IMPG1: variants seen among roughly 807,000 people sequenced by gnomAD.
IMPG1 encodes interphotoreceptor matrix proteoglycan of 150 kDa.
In IMPG1, 85 loss-of-function variants were observed where a neutral mutation model predicts 92.0. The observed-to-expected ratio is 0.92, with a 90% CI of 0.78 to 1.11. IMPG1 has a LOEUF of 1.11. IMPG1 is among the 50% of genes least tolerant of loss of function. The pLI is 0.00. For missense variants in IMPG1, 1,022 were observed against 956.0 expected (o/e 1.07, Z -0.91); for synonymous variants, 367 against 334.1 (o/e 1.10, Z -1.08).
At chr6:75,954,702 G>C (rs1168586016) in intron 12 of IMPG1, among the ~76,000 whole-genome samples, 1 of 152,138 alleles carries the variant, frequency 6.6e-6, no homozygotes. Context: ...CCTATGTCCT[G>C]AATGGTATTG....
chr6:76,009,614 G>A (rs1783151497), intron 8 of IMPG1, among the ~76,000 whole-genome samples: 1 of 152,156 alleles, frequency 6.6e-6, no homozygotes, highest in Non-Finnish European at 1.5e-5. Flanking sequence ...ATGTCATCAT[G>A]GAAATCACTG....
intron 1 of IMPG1, among the ~76,000 whole-genome samples, chr6:76,063,954 G>A (rs1784255952): frequency 1.3e-5 from 2 of 152,130 alleles, no homozygotes; most frequent in Non-Finnish European, 2.9e-5. Context: ...GAGGAGATGT[G>A]GGTGTTGTGT....
intron 12 of IMPG1, among the ~76,000 whole-genome samples, chr6:75,976,671 G>A (rs900072309): frequency 6.6e-6 from 1 of 152,198 alleles, no homozygotes; most frequent in African/African-American, 2.4e-5. Flanking sequence ...CAGCACTTTG[G>A]GAGGCTGAGG....
At chr6:76,022,280 G>A (rs1783446319) in intron 5 of IMPG1, 61 bp from the exon 6 acceptor site, 14 of 892,990 alleles carry the variant, frequency 1.6e-5, no homozygotes, top group Non-Finnish European at 2.3e-5. Flanking sequence ...AAATTAGAAC[G>A]AGGTCAAAAT....
At chr6:75,983,691 T>A (rs531100611) in intron 12 of IMPG1, among the ~76,000 whole-genome samples, 3 of 152,136 alleles carry the variant, frequency 2.0e-5, no homozygotes, top group African/African-American at 7.2e-5. Flanking sequence ...GATACAACTC[T>A]AAAAGCACAG....
At chr6:76,000,770 G>C (rs552169392) in intron 12 of IMPG1, among the ~76,000 whole-genome samples, 2 of 152,198 alleles carry the variant, frequency 1.3e-5, no homozygotes, top group Non-Finnish European at 2.9e-5. Flanking sequence ...CCTGCTTTAT[G>C]GGTTAGAGGT....
intron 1 of IMPG1, among the ~76,000 whole-genome samples, chr6:76,056,647 C>T (rs1784125231): frequency 6.6e-6 from 1 of 152,112 alleles, no homozygotes; most frequent in African/African-American, 2.4e-5. Context: ...ATATTTCCAC[C>T]AACAATGTTC....
Position 75,974,416 on chromosome 6 carries a change from C to CCTTG in IMPG1, c.1292-23323_1292-23322insCAAG, listed in dbSNP as rs1373647948. ...CTTTTCTTTCTTTCCTTCCTTCCTT[C>CCTTG]CTTCCTTCCTTGCTTCCTTCCTTCC... On this transcript the variant is annotated intron_variant, in intron 12 of 16. Coordinates refer to ENST00000369950, the MANE Select transcript of IMPG1 (RefSeq NM_001563.4). 1.6e-3 allele frequency among the ~76,000 whole-genome samples: 215 copies of CCTTG among 131,204 alleles called. 1 individual carries two copies. Among genetic ancestry groups the CCTTG allele is most frequent in the Admixed American group, 4.5e-3 (52 of 11,592 alleles). 86.1% of individuals were successfully genotyped at this position (131,204 alleles called of 152,430 possible). A position where few individuals can be genotyped will look rare whatever the true frequency, so the allele number is the denominator to read the frequency against.
chr6:75,969,810 C>G (rs923685699), intron 12 of IMPG1, among the ~76,000 whole-genome samples: 1 of 152,024 alleles, frequency 6.6e-6, no homozygotes, highest in South Asian at 2.1e-4. Flanking sequence ...AAATTTCAAA[C>G]GTATCTATAT....
intron 8 of IMPG1, among the ~76,000 whole-genome samples, chr6:76,008,270 A>G (rs1268258678): frequency 6.6e-6 from 1 of 152,170 alleles, no homozygotes; most frequent in Non-Finnish European, 1.5e-5. Context: ...CTGCTTGTGC[A>G]TGAAAAAAGA....
At chr6:76,012,946 C>T (rs1182342391) in intron 7 of IMPG1, among the ~76,000 whole-genome samples, 1 of 152,086 alleles carries the variant, frequency 6.6e-6, no homozygotes, top group Non-Finnish European at 1.5e-5. Flanking sequence ...CCTCCCACCC[C>T]CCACATGCAG....
rs184816599 is a variant in IMPG1 at position 76,021,437 on chromosome 6, G to C, written c.666+679C>G. 1.8e-3 allele frequency among the ~76,000 whole-genome samples: 279 copies of C among 152,196 alleles called. 1 individual carries two copies. The highest frequency in any genetic ancestry group is 6.4e-3 in the African/African-American group (266 of 41,518). Reference sequence around the variant, plus strand: ...ACCATGGTCACTCATATTTGGCTCAGAATAAATCTCTTCAAATATTTTACA... The same window carrying C: ...ACCATGGTCACTCATATTTGGCTCACAATAAATCTCTTCAAATATTTTACA... On this transcript the variant is annotated intron_variant, in intron 6 of 16. Transcript: ENST00000369950.
Position 75,951,104 on chromosome 6 carries a change from A to T in IMPG1, c.1292-10T>A, listed in dbSNP as rs1361913131. 1 of 1,574,970 alleles carries T rather than the reference A, an allele frequency of 6.3e-7. No homozygotes were observed. Among genetic ancestry groups the T allele is most frequent in the South Asian group, 1.2e-5 (1 of 85,480 alleles). ...GGAGACCAAGAAGTGTCTGTGGAGG[A>T]AGTACAATTTCATTATGTCCAAGTA... On this transcript the variant is annotated splice_polypyrimidine_tract_variant and intron_variant, in intron 12 of 16. Transcript: ENST00000369950.
intron 11 of IMPG1, 53 bp downstream of exon 11, chr6:76,003,816 TGGTGG>T: frequency 8.1e-7 from 1 of 1,236,162 alleles, no homozygotes; most frequent in Non-Finnish European, 1.2e-6. Context: ...ATTTGTTCTT[TGGTGG>T]AAGGTTTTGA....
At chr6:75,970,802 G>C (rs780102524) in intron 12 of IMPG1, among the ~76,000 whole-genome samples, 1 of 152,184 alleles carries the variant, frequency 6.6e-6, no homozygotes, top group Non-Finnish European at 1.5e-5. Flanking sequence ...TATTGAAAAG[G>C]TTGTGTTTTT....
intron 1 of IMPG1, among the ~76,000 whole-genome samples, chr6:76,063,065 A>T (rs1040338627): frequency 6.6e-6 from 1 of 151,928 alleles, no homozygotes; most frequent in Admixed American, 6.6e-5. Context: ...TTAGCCAGGC[A>T]TGGTGGCAGG....
chr6:76,040,789 A>T (rs1783822364), intron 2 of IMPG1, among the ~76,000 whole-genome samples: 1 of 152,228 alleles, frequency 6.6e-6, no homozygotes, highest in South Asian at 2.1e-4. Context: ...ATGCTTCCAA[A>T]ACCCAATAAT....
At chr6:76,027,280 C>T (rs529743931) in intron 4 of IMPG1, among the ~76,000 whole-genome samples, 2,712 of 152,304 alleles carry the variant, frequency 0.018, 44 homozygotes, top group South Asian at 0.032. Flanking sequence ...TGAGAACTGT[C>T]TGTCTTGTTG....
At chr6:75,930,187 T>C (rs1781640054) in intron 15 of IMPG1, among the ~76,000 whole-genome samples, 1 of 152,202 alleles carries the variant, frequency 6.6e-6, no homozygotes, top group African/African-American at 2.4e-5. Context: ...TCTCTTACCC[T>C]TTCTGTCTGG....
Sources: gnomAD v4.1 joint callset for allele counts (sites outside exome capture counted in the v4.1 genomes callset) on GRCh38, gnomAD v4.1.1 for gene constraint, MANE v1.5 for transcripts, NCBI Gene and HGNC (gene_info 2026-07-23, HGNC 2026-07-21) for gene names.